The following SH3GL2 variants were observed in gnomAD, a reference collection of about 807,000 sequenced individuals.
The protein encoded by SH3GL2 is endophilin-A1.
SH3GL2 carries 24 observed loss-of-function variants against 46.0 expected under a neutral mutation model. The observed-to-expected ratio is 0.52, with a 90% CI of 0.38 to 0.73. The LOEUF (loss-of-function observed/expected upper bound fraction) is 0.73, where lower values mean the gene tolerates loss of function less well. SH3GL2 is among the 30% of genes least tolerant of loss of function. SH3GL2 has a pLI of 0.00. For synonymous variants in SH3GL2, 196 were observed against 147.1 expected, an observed-to-expected ratio of 1.33 and a Z score of -2.40; for missense variants, 413 against 424.2, an observed-to-expected ratio of 0.97 and a Z score of 0.23.
intron 1 of SH3GL2, among the ~76,000 whole-genome samples, chr9:17,742,988 A>G (rs1376165644): frequency 6.6e-6 from 1 of 152,224 alleles, no homozygotes; most frequent in Non-Finnish European, 1.5e-5. Context: ...GGCATCAGAT[A>G]ACATTCAGTA....
At chr9:17,669,926 A>T (rs1820432361) in intron 1 of SH3GL2, among the ~76,000 whole-genome samples, 1 of 152,158 alleles carries the variant, frequency 6.6e-6, no homozygotes, top group South Asian at 2.1e-4. Flanking sequence ...CTGCTGCAGA[A>T]AGGGGTCCCA....
intron 1 of SH3GL2, among the ~76,000 whole-genome samples, chr9:17,624,363 T>C (rs1373181771): frequency 1.3e-5 from 2 of 152,156 alleles, no homozygotes; most frequent in African/African-American, 4.8e-5. Context: ...ATATCCTCCT[T>C]CTCCTCAAAG....
rs199884438 is a variant in SH3GL2 at position 17,649,046 on chromosome 9, CT to C, written c.45+69766del. ...ATAAAAATAAGTCTGTCAATGTGGG[CT>C]TTTTTTCCTTTTTCTCTTAACTCAA... is the stretch of plus-strand genomic sequence containing the variant. On this transcript the variant is annotated intron_variant, in intron 1 of 8. Transcript: ENST00000380607. 6.4e-3 allele frequency among the ~76,000 whole-genome samples: 980 copies of C among 152,180 alleles called. 12 individuals carry two copies. The highest frequency in any genetic ancestry group is 0.022 in the African/African-American group (928 of 41,522).
Position 17,789,292 on chromosome 9 carries a change from A to G in SH3GL2, c.466-100A>G, listed in dbSNP as rs914390029. The G allele has an allele frequency of 4.6e-5, 43 of 931,406 alleles. No individual in the cohort carries two copies. In the African/African-American group the frequency reaches 5.1e-4, roughly 11 times the overall value. The allele number at this position is 931,406 out of a possible 1,614,324, so 57.7% of individuals were successfully genotyped here. A position where few individuals can be genotyped will look rare whatever the true frequency, so the allele number is the denominator to read the frequency against. On this transcript the variant is annotated intron_variant, in intron 5 of 8. Coordinates refer to ENST00000380607, the MANE Select transcript of SH3GL2 (RefSeq NM_003026.5). ...GGCGTTGTATTTTAAAACTTAGCCT[A>G]TCTTAATTTGGAAGTTAATGGACGT...
chr9:17,735,472 T>C (rs950174137), intron 1 of SH3GL2, among the ~76,000 whole-genome samples: 1 of 152,158 alleles, frequency 6.6e-6, no homozygotes, highest in Non-Finnish European at 1.5e-5. Context: ...AGTTGACCCT[T>C]GAACAATACT....
At chr9:17,579,375 G>A (rs929908438) in intron 1 of SH3GL2, 88 bp downstream of exon 1, 11 of 851,410 alleles carry the variant, frequency 1.3e-5, no homozygotes, top group Non-Finnish European at 1.8e-5. Context: ...CGGCAGCTTG[G>A]GGAGTTCGGC....
At chr9:17,769,317 A>G (rs1184393076) in intron 3 of SH3GL2, among the ~76,000 whole-genome samples, 1 of 152,100 alleles carries the variant, frequency 6.6e-6, no homozygotes, top group Non-Finnish European at 1.5e-5. Flanking sequence ...CTATTCTTTT[A>G]TTGCACTTTT....
intron 1 of SH3GL2, among the ~76,000 whole-genome samples, chr9:17,651,260 T>C (rs1177322539): frequency 6.6e-6 from 1 of 152,192 alleles, no homozygotes; most frequent in Non-Finnish European, 1.5e-5. Flanking sequence ...CCTGATGGGA[T>C]GTAATAGGAA....
chr9:17,747,363 C>T (rs138694117), intron 2 of SH3GL2, among the ~76,000 whole-genome samples: 116 of 152,270 alleles, frequency 7.6e-4, no homozygotes, highest in African/African-American at 2.6e-3. Flanking sequence ...TGAAAGGTCA[C>T]GATGAACTTT....
intron 1 of SH3GL2, among the ~76,000 whole-genome samples, chr9:17,637,303 G>A (rs1819563541): frequency 6.6e-6 from 1 of 152,170 alleles, no homozygotes; most frequent in Admixed American, 6.5e-5. Flanking sequence ...GTTGGAATAT[G>A]ACCATCAGAT....
intron 1 of SH3GL2, among the ~76,000 whole-genome samples, chr9:17,684,763 C>A (rs2118073548): frequency 6.6e-6 from 1 of 152,234 alleles, no homozygotes; most frequent in East Asian, 1.9e-4. Flanking sequence ...GCAGACTTCT[C>A]ATCAGAATTA....
At chr9:17,639,654 T>C (rs752510917) in intron 1 of SH3GL2, among the ~76,000 whole-genome samples, 4 of 152,196 alleles carry the variant, frequency 2.6e-5, no homozygotes, top group Non-Finnish European at 4.4e-5. Context: ...AACTCCTTGG[T>C]GTTAGTCGAA....
chr9:17,673,285 A>T (rs1278185225), intron 1 of SH3GL2, among the ~76,000 whole-genome samples: 1 of 150,936 alleles, frequency 6.6e-6, no homozygotes, highest in Non-Finnish European at 1.5e-5. Flanking sequence ...AGTAGCTGGG[A>T]CTACAGGCAC....
intron 3 of SH3GL2, among the ~76,000 whole-genome samples, chr9:17,769,869 A>G (rs1321510982): frequency 6.6e-6 from 1 of 152,172 alleles, no homozygotes; most frequent in Non-Finnish European, 1.5e-5. Flanking sequence ...TATTTATTGA[A>G]TGAATGCTGT....
Position 17,614,295 on chromosome 9 carries a change from G to GGAAAAAAAAAAAAAAAAAAAA in SH3GL2, c.45+35008_45+35009insGAAAAAAAAAAAAAAAAAAAA, listed in dbSNP as rs762920242. Among the ~76,000 whole-genome samples, 14 of 70,300 alleles carry GGAAAAAAAAAAAAAAAAAAAA rather than the reference G, an allele frequency of 2.0e-4. 1 individual carries two copies. The highest frequency in any genetic ancestry group is 8.1e-4 in the African/African-American group (14 of 17,370). The allele number at this position is 70,300 out of a possible 152,430, so 46.1% of individuals were successfully genotyped here. A position where few individuals can be genotyped will look rare whatever the true frequency, so the allele number is the denominator to read the frequency against. ...GTGACAGGGAACATGCATGGTTTCT[G>GGAAAAAAAAAAAAAAAAAAAA]AAAAAAAAAAAAAAAAAAAAAAAAA... On this transcript the variant is annotated intron_variant, in intron 1 of 8. Coordinates refer to ENST00000380607, the MANE Select transcript of SH3GL2 (RefSeq NM_003026.5).
chr9:17,712,267 A>G (rs181744478), intron 1 of SH3GL2, among the ~76,000 whole-genome samples: 11 of 151,642 alleles, frequency 7.3e-5, no homozygotes, highest in Non-Finnish European at 1.2e-4. Flanking sequence ...TGGCTTGACT[A>G]TTTTCCTAAC....
intron 1 of SH3GL2, among the ~76,000 whole-genome samples, chr9:17,631,637 T>C (rs1819428323): frequency 6.6e-6 from 1 of 152,282 alleles, no homozygotes; most frequent in Admixed American, 6.5e-5. Context: ...GGCCCTAAGG[T>C]TAAATGTTTT....
At chr9:17,740,587 T>C (rs1387999508) in intron 1 of SH3GL2, among the ~76,000 whole-genome samples, 1 of 152,164 alleles carries the variant, frequency 6.6e-6, no homozygotes, top group Non-Finnish European at 1.5e-5. Flanking sequence ...GTGATGCCTT[T>C]CTATAAATAT....
intron 1 of SH3GL2, among the ~76,000 whole-genome samples, chr9:17,687,472 G>C (rs1820950362): frequency 6.6e-6 from 1 of 151,804 alleles, no homozygotes; most frequent in African/African-American, 2.4e-5. Context: ...AGGGTACATA[G>C]GTTCAATACA....
Sources: allele counts gnomAD v4.1 joint callset (sites outside exome capture counted in the v4.1 genomes callset), GRCh38; gene constraint gnomAD v4.1.1; transcripts MANE v1.5; gene names NCBI Gene and HGNC (gene_info 2026-07-23, HGNC 2026-07-21).